Variants in GSE1 observed in about 807,000 individuals in gnomAD.
The protein encoded by GSE1 is Gse1 coiled-coil protein.
Under a neutral mutation model 112.6 loss-of-function variants are expected in GSE1, and 32 were observed. The ratio of observed to expected loss-of-function variants is 0.28; its 90% CI spans 0.21 to 0.38. GSE1 has a LOEUF of 0.38. Among genes scored for constraint, GSE1 ranks in the 10% least tolerant of loss-of-function variants. The probability of loss-of-function intolerance (pLI) is 1.00; values close to 1 mark genes in which losing one functional copy is unlikely to be tolerated. For missense variants in GSE1, 2,348 were observed against 1,699.2 expected, an observed-to-expected ratio of 1.38 and a Z score of -6.71; for synonymous variants, 1,115 against 735.6, an observed-to-expected ratio of 1.52 and a Z score of -8.35.
chr16:85,594,157 T>C (rs2047115631), intron 1 of GSE1: 1 of 146,292 alleles, frequency 6.8e-6, no homozygotes, highest in Non-Finnish European at 1.5e-5. Context: ...CTGGCCTGCC[T>C]GCCGGTTGTC....
intron 2 of GSE1, among the ~76,000 whole-genome samples, chr16:85,522,658 C>T (rs1391614470): frequency 1.3e-5 from 2 of 152,146 alleles, no homozygotes; most frequent in African/African-American, 2.4e-5. Flanking sequence ...CACAGCAGGC[C>T]GGCTCCGAGT....
chr16:85,358,387 G>A (rs930603605), intron 2 of GSE1, among the ~76,000 whole-genome samples: 27 of 152,236 alleles, frequency 1.8e-4, no homozygotes, highest in East Asian at 1.4e-3. Flanking sequence ...CCATAGGTTC[G>A]TCAGCAAGAC....
At chr16:85,472,880 C>T (rs2050338536) in intron 2 of GSE1, among the ~76,000 whole-genome samples, 1 of 152,214 alleles carries the variant, frequency 6.6e-6, no homozygotes, top group African/African-American at 2.4e-5. Context: ...GCAGCCTCTC[C>T]TGGGCTCCCT....
chr16:85,485,334 G>A (rs568330953), intron 2 of GSE1, among the ~76,000 whole-genome samples: 71 of 152,358 alleles, frequency 4.7e-4, no homozygotes, highest in Middle Eastern at 6.8e-3. Flanking sequence ...ACACAGCAGG[G>A]TGGGCCAGGT....
intron 1 of GSE1, among the ~76,000 whole-genome samples, chr16:85,271,268 T>C (rs1193733961): frequency 6.6e-6 from 1 of 152,134 alleles, no homozygotes; most frequent in African/African-American, 2.4e-5. Flanking sequence ...CCAGGGTGAC[T>C]GGCTGAAGCC....
chr16:85,273,112 G>A (rs1385070821), intron 1 of GSE1, among the ~76,000 whole-genome samples: 1 of 152,186 alleles, frequency 6.6e-6, no homozygotes, highest in Non-Finnish European at 1.5e-5. Context: ...AAGAATTGAA[G>A]CCGTGACTGG....
intron 2 of GSE1, among the ~76,000 whole-genome samples, chr16:85,499,166 T>C (rs1234049998): frequency 1.1e-4 from 16 of 152,044 alleles, no homozygotes; most frequent in Admixed American, 1.0e-3. Context: ...GGGACACTCC[T>C]GGGAGTGGCT....
chr16:85,434,788 G>C (rs1191374660), intron 2 of GSE1, among the ~76,000 whole-genome samples: 1 of 152,228 alleles, frequency 6.6e-6, no homozygotes, highest in African/African-American at 2.4e-5. Context: ...CTGCACTCCA[G>C]CCTGGGAGAC....
intron 1 of GSE1, among the ~76,000 whole-genome samples, chr16:85,275,219 C>T (rs12599693): frequency 0.15 from 22,831 of 152,174 alleles, 2,248 homozygotes; most frequent in East Asian, 0.37. Context: ...CAGAGGCCTC[C>T]GAACTGGAGG....
intron 2 of GSE1, among the ~76,000 whole-genome samples, chr16:85,440,215 G>A (rs2049343953): frequency 6.6e-6 from 1 of 152,232 alleles, no homozygotes; most frequent in East Asian, 1.9e-4. Context: ...GGGGTCTGGA[G>A]GTGAGGATCA....
chr16:85,581,589 G>A (rs1475705510), intron 1 of GSE1, among the ~76,000 whole-genome samples: 2 of 152,170 alleles, frequency 1.3e-5, no homozygotes, highest in East Asian at 1.9e-4. Flanking sequence ...CTCCTCTTCC[G>A]TAGAAGTTCA....
chr16:85,627,267 C>A (rs79156545), intron 1 of GSE1, among the ~76,000 whole-genome samples: 6,408 of 151,454 alleles, frequency 0.042, 311 homozygotes, highest in African/African-American at 0.12. Context: ...GTGCTGTGGG[C>A]TGCTGCTTCA....
Position 85,246,328 on chromosome 16 carries a change from C to T in GSE1, c.2283+74521C>T, listed in dbSNP as rs1330671196. On this transcript the variant is annotated intron_variant, in intron 1 of 2. Coordinates refer to the GSE1 transcript ENST00000637419. The stretch of plus-strand genomic sequence containing the variant: ...CGCTGTCTACACACACACACACACA[C>T]ACACCCCCCACACGCTGTCTACACA... Among the ~76,000 whole-genome samples, 3 of 84,906 alleles carry T rather than the reference C, an allele frequency of 3.5e-5. 1 individual carries two copies. The highest frequency in any genetic ancestry group is 1.3e-4 in the African/African-American group (3 of 23,118). 55.7% of individuals were successfully genotyped at this position (84,906 alleles called of 152,430 possible). A position where few individuals can be genotyped will look rare whatever the true frequency, so the allele number is the denominator to read the frequency against.
intron 2 of GSE1, among the ~76,000 whole-genome samples, chr16:85,500,314 T>C (rs558174116): frequency 2.0e-5 from 3 of 152,352 alleles, no homozygotes; most frequent in Non-Finnish European, 2.9e-5. Flanking sequence ...TAAACAGATC[T>C]TTGCATCCTG....
intron 2 of GSE1, among the ~76,000 whole-genome samples, chr16:85,416,825 G>A (rs1390881690): frequency 6.6e-6 from 1 of 152,076 alleles, no homozygotes; most frequent in East Asian, 1.9e-4. Context: ...TGTTGGTGGT[G>A]GTTTTTCTTG....
At chr16:85,590,035 T>C (rs942205296) in intron 1 of GSE1, among the ~76,000 whole-genome samples, 4 of 151,338 alleles carry the variant, frequency 2.6e-5, no homozygotes, top group African/African-American at 9.8e-5. Context: ...GAGACGTGAG[T>C]GTGAATGTGT....
chr16:85,402,303 G>A (rs149204559), intron 2 of GSE1, among the ~76,000 whole-genome samples: 4 of 152,326 alleles, frequency 2.6e-5, no homozygotes, highest in Non-Finnish European at 5.9e-5. Context: ...TGAGAAGCTC[G>A]GGGGAGAGGA....
At chr16:85,176,603 G>A (rs895706457) in intron 1 of GSE1, among the ~76,000 whole-genome samples, 1 of 152,258 alleles carries the variant, frequency 6.6e-6, no homozygotes, top group African/African-American at 2.4e-5. Context: ...CGGGCGGGCC[G>A]CGCTTCCCGC....
chr16:85,320,648 A>G (rs2046086864), intron 1 of GSE1, among the ~76,000 whole-genome samples: 1 of 152,028 alleles, frequency 6.6e-6, no homozygotes, highest in Non-Finnish European at 1.5e-5. Context: ...CATCTTAACT[A>G]GTAACATCTT....
Sources: allele counts gnomAD v4.1 joint callset (sites outside exome capture counted in the v4.1 genomes callset), GRCh38; gene constraint gnomAD v4.1.1; transcripts MANE v1.5; gene names NCBI Gene and HGNC (gene_info 2026-07-23, HGNC 2026-07-21).